AJAP1: variants seen among roughly 807,000 people sequenced by gnomAD.
AJAP1 encodes adherens junctions associated protein 1, also known as adherens junction-associated protein 1.
AJAP1 carries 5 observed loss-of-function variants against 35.0 expected under a neutral mutation model. The ratio of observed to expected loss-of-function variants is 0.14; its 90% CI spans 0.07 to 0.30. The LOEUF is 0.30. Ranked by LOEUF, AJAP1 falls within the 10% of genes least tolerant of loss-of-function variation. AJAP1 has a pLI of 1.00. For missense variants in AJAP1, 586 were observed against 571.0 expected, an observed-to-expected ratio of 1.03 and a Z score of -0.27; for synonymous variants, 284 against 249.3, an observed-to-expected ratio of 1.14 and a Z score of -1.31.
intron 1 of AJAP1, among the ~76,000 whole-genome samples, chr1:4,684,892 T>G (rs1331718599): frequency 6.6e-6 from 1 of 152,184 alleles, no homozygotes; most frequent in African/African-American, 2.4e-5. Context: ...CCAGCAGATC[T>G]CTTTCCTTGG....
At chr1:4,711,775 A>G (rs1640245603) in intron 1 of AJAP1, 125 bp from the exon 2 acceptor site, 3 of 709,960 alleles carry the variant, frequency 4.2e-6, no homozygotes, top group Non-Finnish European at 6.6e-6. Flanking sequence ...TGAAGTTAGG[A>G]GGAGCTCTTT....
At chr1:4,713,356 G>A (rs760345577) in intron 2 of AJAP1, among the ~76,000 whole-genome samples, 1 of 152,368 alleles carries the variant, frequency 6.6e-6, no homozygotes, top group South Asian at 2.1e-4. Context: ...TTTGGAGGAC[G>A]GAGATCAGAA....
chr1:4,677,720 T>G (rs570290710), intron 1 of AJAP1, among the ~76,000 whole-genome samples: 1 of 147,156 alleles, frequency 6.8e-6, no homozygotes, highest in East Asian at 2.0e-4. Context: ...CAGGTAATGC[T>G]CCGAATGAAA....
At chr1:4,667,022 G>A (rs1639144478) in intron 1 of AJAP1, among the ~76,000 whole-genome samples, 1 of 152,242 alleles carries the variant, frequency 6.6e-6, no homozygotes, top group Middle Eastern at 3.4e-3. Flanking sequence ...AATCATGGGA[G>A]CTGCGTGGGA....
At chr1:4,709,244 G>C (rs1341040101) in intron 1 of AJAP1, among the ~76,000 whole-genome samples, 1 of 144,664 alleles carries the variant, frequency 6.9e-6, no homozygotes, top group Non-Finnish European at 1.5e-5. Flanking sequence ...GGGGCCTGGT[G>C]GGGGCCGGTG....
intron 5 of AJAP1, among the ~76,000 whole-genome samples, chr1:4,781,247 C>T (rs1015318103): frequency 2.6e-5 from 4 of 152,178 alleles, no homozygotes; most frequent in South Asian, 4.1e-4. Context: ...AGAATCACTG[C>T]GGTGGGCTCA....
At chr1:4,658,516 C>A (rs1429547988) in intron 1 of AJAP1, among the ~76,000 whole-genome samples, 1 of 152,204 alleles carries the variant, frequency 6.6e-6, no homozygotes, top group African/African-American at 2.4e-5. Flanking sequence ...TGGCTCGCGC[C>A]GATTTCCAGC....
At chr1:4,716,545 G>A (rs1163439800) in intron 2 of AJAP1, among the ~76,000 whole-genome samples, 1 of 151,874 alleles carries the variant, frequency 6.6e-6, no homozygotes, top group Non-Finnish European at 1.5e-5. Flanking sequence ...GGTGATGATG[G>A]GGATGATGAT....
chr1:4,695,135 A>G (rs1557612674), intron 1 of AJAP1, among the ~76,000 whole-genome samples: 2 of 152,008 alleles, frequency 1.3e-5, no homozygotes, highest in African/African-American at 4.8e-5. Context: ...GGATGGAGGC[A>G]GGGATGCTAC....
At chr1:4,662,782 A>C (rs982542368) in intron 1 of AJAP1, among the ~76,000 whole-genome samples, 2 of 152,256 alleles carry the variant, frequency 1.3e-5, no homozygotes, top group African/African-American at 4.8e-5. Flanking sequence ...TTTCGCATTC[A>C]ATAAGCATTT....
At position 4,783,098 on chromosome 1, in the gene AJAP1, TA is replaced by T. The variant is rs1287906280; in HGVS notation, c.*621del. 7 of 350,276 alleles carry T rather than the reference TA, an allele frequency of 2.0e-5. No homozygotes were observed. Among genetic ancestry groups the T allele is most frequent in the East Asian group, 8.4e-5 (2 of 23,820 alleles). The allele number at this position is 350,276 out of a possible 1,614,324, so 21.7% of individuals were successfully genotyped here. Reference sequence around the variant, plus strand: ...TTTGAAGATCTTAAATGTTCCTTTTTAAAAAAAAGAATTGTGTTATAGGTTA... The same window carrying T: ...TTTGAAGATCTTAAATGTTCCTTTTTAAAAAAAGAATTGTGTTATAGGTTA... On this transcript the variant is annotated 3_prime_UTR_variant, in exon 6 of 6. Transcript: ENST00000378191.
At chr1:4,701,727 G>C (rs1408904840) in intron 1 of AJAP1, among the ~76,000 whole-genome samples, 1 of 152,212 alleles carries the variant, frequency 6.6e-6, no homozygotes, top group Non-Finnish European at 1.5e-5. Context: ...ATGAGAACTG[G>C]TGATGTGTCT....
chr1:4,706,379 G>T (rs1286573545), intron 1 of AJAP1, among the ~76,000 whole-genome samples: 1 of 152,230 alleles, frequency 6.6e-6, no homozygotes, highest in Non-Finnish European at 1.5e-5. Context: ...ATGAATGACA[G>T]AAAAACTGGG....
chr1:4,787,791 C>T lies in AJAP1; in HGVS notation c.*5306C>T, dbSNP rs750330095. 2.2e-4 allele frequency: 100 copies of T among 454,162 alleles called. No individual in the cohort carries two copies. Among genetic ancestry groups the T allele is most frequent in the South Asian group, 1.3e-3 (86 of 64,318 alleles). 28.1% of individuals were successfully genotyped at this position (454,162 alleles called of 1,614,324 possible). ...CGTCAGCGACTTGGCCCACGGGGCA[C>T]GGGCACCTTGGGGATGCCATTCTTC... On this transcript the variant is annotated 3_prime_UTR_variant, in exon 6 of 6. Coordinates refer to ENST00000378191, the MANE Select transcript of AJAP1 (RefSeq NM_018836.4).
rs1158929373 is a variant in AJAP1, at chr1:4,697,889, C to T, written c.30-14011C>T. The stretch of plus-strand genomic sequence containing the variant: ...TGTCCTCAGGGCAGCGTTCCAGTGG[C>T]CGGAGGAGAAGCAAGAGCCAAGGGG... On this transcript the variant is annotated intron_variant, in intron 1 of 5. Coordinates refer to ENST00000378191, the MANE Select transcript of AJAP1 (RefSeq NM_018836.4). Among the ~76,000 whole-genome samples the T allele has an allele frequency of 2.0e-5, 3 of 152,232 alleles. No individual in the cohort carries two copies. The South Asian group carries it at 6.2e-4, about 32-fold the overall frequency.
chr1:4,778,571 A>ATCTCTCTCTCTCTCTCTCTCTCTC (rs141390632), intron 5 of AJAP1, among the ~76,000 whole-genome samples: 2 of 142,794 alleles, frequency 1.4e-5, no homozygotes, highest in African/African-American at 2.6e-5. Flanking sequence ...GATTGGCGCC[A>ATCTCTCTCTCTCTCTCTCTCTCTC]TCTCTCTCTC....
chr1:4,688,087 G>A (rs1639647795), intron 1 of AJAP1, among the ~76,000 whole-genome samples: 1 of 152,238 alleles, frequency 6.6e-6, no homozygotes, highest in South Asian at 2.1e-4. Context: ...GCAGTGGGGA[G>A]CCAGGATGGG....
Position 4,674,042 on chromosome 1 carries a change from CAAAAAAA to C in AJAP1, c.29+18606_29+18612del, listed in dbSNP as rs57335438. Reference sequence around the variant, plus strand: ...GAGATAGGCTTATCCCCCCCGCCACCAAAAAAAAAAAAAAAAAAAAAAAAGGAACAAA... The same window carrying C: ...GAGATAGGCTTATCCCCCCCGCCACCAAAAAAAAAAAAAAAAAGGAACAAA... On this transcript the variant is annotated intron_variant, in intron 1 of 5. Coordinates refer to ENST00000378191, the MANE Select transcript of AJAP1 (RefSeq NM_018836.4). Among the ~76,000 whole-genome samples, 70 of 81,954 alleles carry C rather than the reference CAAAAAAA, an allele frequency of 8.5e-4. 1 individual carries two copies. Among genetic ancestry groups the C allele is most frequent in the African/African-American group, 2.5e-3 (53 of 21,600 alleles). 53.8% of individuals were successfully genotyped at this position (81,954 alleles called of 152,430 possible). A position where few individuals can be genotyped will look rare whatever the true frequency, so the allele number is the denominator to read the frequency against.
At chr1:4,657,179 A>C (rs1267929345) in intron 1 of AJAP1, among the ~76,000 whole-genome samples, 1 of 152,336 alleles carries the variant, frequency 6.6e-6, no homozygotes, top group Non-Finnish European at 1.5e-5. Flanking sequence ...AATATCTTGG[A>C]AAGAAGCCTC....
Sources: gnomAD v4.1 joint callset for allele counts (sites outside exome capture counted in the v4.1 genomes callset) on GRCh38, gnomAD v4.1.1 for gene constraint, MANE v1.5 for transcripts, NCBI Gene and HGNC (gene_info 2026-07-23, HGNC 2026-07-21) for gene names.